NBEA: variants seen among roughly 807,000 people sequenced by gnomAD.
NBEA encodes the protein lysosomal-trafficking regulator 2.
Under a neutral mutation model 343.4 loss-of-function variants are expected in NBEA, and 44 were observed. The ratio of observed to expected loss-of-function variants is 0.13; its 90% CI spans 0.10 to 0.16. NBEA has a LOEUF of 0.16. NBEA is among the 10% of genes least tolerant of loss of function. NBEA has a pLI of 1.00. For missense variants in NBEA, 2,555 were observed against 3,631.3 expected (o/e 0.70, Z 7.62); for synonymous variants, 1,175 against 1,238.7 (o/e 0.95, Z 1.08).
At chr13:34,985,641 A>C (rs1174911920) in intron 1 of NBEA, among the ~76,000 whole-genome samples, 1 of 150,936 alleles carries the variant, frequency 6.6e-6, no homozygotes, top group South Asian at 2.1e-4. Flanking sequence ...TACCTCTGGT[A>C]GAATTTGGTT....
chr13:35,538,329 T>C (rs2078653691), intron 41 of NBEA, among the ~76,000 whole-genome samples: 1 of 152,216 alleles, frequency 6.6e-6, no homozygotes, highest in Admixed American at 6.5e-5. Context: ...AGTTTGTGCA[T>C]TGAACTATCA....
chr13:35,629,515 G>A (rs894729332), intron 49 of NBEA, among the ~76,000 whole-genome samples: 3 of 152,078 alleles, frequency 2.0e-5, no homozygotes, highest in African/African-American at 4.8e-5. Flanking sequence ...CTGAGAACAC[G>A]TTGCAAGCGT....
chr13:35,312,729 A>G (rs2037450911), intron 36 of NBEA, among the ~76,000 whole-genome samples: 2 of 152,218 alleles, frequency 1.3e-5, no homozygotes, highest in South Asian at 2.1e-4. Context: ...TTAAGTCACT[A>G]TGATTGCTAA....
intron 41 of NBEA, among the ~76,000 whole-genome samples, chr13:35,521,397 A>G (rs902812806): frequency 3.3e-5 from 5 of 152,170 alleles, no homozygotes; most frequent in African/African-American, 1.2e-4. Flanking sequence ...ATTTGGTTGC[A>G]AGAAATAGAA....
At chr13:35,572,080 G>A (rs2080461257) in intron 45 of NBEA, among the ~76,000 whole-genome samples, 1 of 152,130 alleles carries the variant, frequency 6.6e-6, no homozygotes, top group Admixed American at 6.6e-5. Context: ...GTCAACAGAT[G>A]AAACAATCTG....
At chr13:35,367,078 A>C (rs1281427977) in intron 38 of NBEA, among the ~76,000 whole-genome samples, 15 of 151,322 alleles carry the variant, frequency 9.9e-5, no homozygotes, top group Admixed American at 9.9e-4. Flanking sequence ...TAAATACTAA[A>C]AGTATGCTAT....
At chr13:35,525,355 C>T (rs924535324) in intron 41 of NBEA, among the ~76,000 whole-genome samples, 2 of 152,090 alleles carry the variant, frequency 1.3e-5, no homozygotes, top group African/African-American at 4.8e-5. Context: ...AGTTTGAGAC[C>T]AGCCTGGCCA....
intron 1 of NBEA, among the ~76,000 whole-genome samples, chr13:34,974,048 C>T (rs368708685): frequency 2.0e-5 from 3 of 152,260 alleles, no homozygotes; most frequent in East Asian, 1.9e-4. Context: ...TGCAAAGATC[C>T]GTGGGAGAAG....
intron 4 of NBEA, among the ~76,000 whole-genome samples, chr13:35,045,709 T>C (rs2062825626): frequency 8.2e-6 from 1 of 121,660 alleles, no homozygotes; most frequent in Admixed American, 7.5e-5. Flanking sequence ...TACAGTGTTT[T>C]TTGTTTTGTT....
At chr13:35,307,434 G>A (rs895164585) in intron 35 of NBEA, among the ~76,000 whole-genome samples, 3 of 151,908 alleles carry the variant, frequency 2.0e-5, no homozygotes, top group Admixed American at 1.3e-4. Flanking sequence ...TCCATCAAAG[G>A]TTGTAAATTA....
chr13:35,279,659 A>G (rs576031996), intron 34 of NBEA, among the ~76,000 whole-genome samples: 6 of 152,288 alleles, frequency 3.9e-5, no homozygotes, highest in Admixed American at 6.5e-5. Context: ...TGCTGTCCAG[A>G]TATGTTGTTC....
rs893046690 is a variant in NBEA, at chr13:35,532,237, C to T, written c.6586-18240C>T. 4.6e-5 allele frequency among the ~76,000 whole-genome samples: 7 copies of T among 152,178 alleles called. No individual in the cohort carries two copies. In the East Asian group the frequency reaches 5.8e-4, roughly 13 times the overall value. ...ATTCATGGTCATTTATTAGTGGCTACGATTTTTATTTCAAAATGCATTAAA... is the reference window on the plus strand; with the variant it reads ...ATTCATGGTCATTTATTAGTGGCTATGATTTTTATTTCAAAATGCATTAAA... On this transcript the variant is annotated intron_variant, in intron 41 of 58. Transcript: ENST00000379939.
chr13:35,633,753 G>T (rs890035752), intron 49 of NBEA, among the ~76,000 whole-genome samples: 1 of 151,770 alleles, frequency 6.6e-6, no homozygotes, highest in African/African-American at 2.4e-5. Context: ...TTACCTAAAG[G>T]CATAATTAAA....
chr13:35,625,623 TA>T (rs1454440174), intron 48 of NBEA, among the ~76,000 whole-genome samples: 1 of 151,732 alleles, frequency 6.6e-6, no homozygotes, highest in Non-Finnish European at 1.5e-5. Flanking sequence ...AGATCCTGTC[TA>T]AAAAATAATA....
chr13:35,370,681 CTCTT>C (rs2041378700), intron 38 of NBEA, among the ~76,000 whole-genome samples: 1 of 151,848 alleles, frequency 6.6e-6, no homozygotes, highest in South Asian at 2.1e-4. Flanking sequence ...TGAGTTCTTT[CTCTT>C]TCTTATTTGT....
At chr13:35,450,801 A>G (rs959376078) in intron 39 of NBEA, among the ~76,000 whole-genome samples, 9 of 152,240 alleles carry the variant, frequency 5.9e-5, no homozygotes, top group African/African-American at 2.2e-4. Context: ...AACACAGTAT[A>G]TGACAATGCT....
intron 36 of NBEA, among the ~76,000 whole-genome samples, chr13:35,329,118 C>T (rs1195138417): frequency 6.6e-6 from 1 of 151,828 alleles, no homozygotes; most frequent in African/African-American, 2.4e-5. Flanking sequence ...AGTCGTTTGG[C>T]AAATTCAGTT....
intron 36 of NBEA, among the ~76,000 whole-genome samples, chr13:35,340,922 G>C (rs1029804101): frequency 6.6e-6 from 1 of 151,856 alleles, no homozygotes; most frequent in Non-Finnish European, 1.5e-5. Context: ...AATTGCAAGA[G>C]ACATAGGATA....
At chr13:35,549,462 C>T (rs2153011915) in intron 41 of NBEA, among the ~76,000 whole-genome samples, 1 of 152,188 alleles carries the variant, frequency 6.6e-6, no homozygotes, top group Admixed American at 6.5e-5. Flanking sequence ...GTTGGTGTAT[C>T]AGGAAGGAAT....
Sources: gnomAD v4.1 joint callset for allele counts (sites outside exome capture counted in the v4.1 genomes callset) on GRCh38, gnomAD v4.1.1 for gene constraint, MANE v1.5 for transcripts, NCBI Gene and HGNC (gene_info 2026-07-23, HGNC 2026-07-21) for gene names.